CADM2: variants seen among roughly 807,000 people sequenced by gnomAD.
CADM2 encodes cell adhesion molecule 2, also known as immunoglobulin superfamily member 4D.
Under a neutral mutation model 49.8 loss-of-function variants are expected in CADM2, and 12 were observed. That is an observed-to-expected ratio of 0.24 (90% CI 0.15 to 0.39). The LOEUF is 0.39. Among genes scored for constraint, CADM2 ranks in the 10% least tolerant of loss-of-function variants. The pLI is 1.00. For missense variants in CADM2, 378 were observed against 492.3 expected (o/e 0.77, Z 2.20); for synonymous variants, 214 against 175.4 (o/e 1.22, Z -1.74).
intron 1 of CADM2, among the ~76,000 whole-genome samples, chr3:85,184,249 G>C (rs2041002209): frequency 1.3e-5 from 2 of 152,086 alleles, no homozygotes; most frequent in African/African-American, 2.4e-5. Context: ...TTGTGAGTGT[G>C]TTTCCTAATG....
intron 8 of CADM2, among the ~76,000 whole-genome samples, chr3:86,018,705 C>T (rs1188965798): frequency 2.0e-5 from 3 of 152,110 alleles, no homozygotes; most frequent in Non-Finnish European, 4.4e-5. Flanking sequence ...ATGTCCTTCG[C>T]CCACTTTTTG....
At chr3:85,554,285 A>G (rs1023112867) in intron 1 of CADM2, among the ~76,000 whole-genome samples, 16 of 152,180 alleles carry the variant, frequency 1.1e-4, no homozygotes, top group African/African-American at 3.9e-4. Context: ...ATGAGAATCT[A>G]ATGCCGCCCC....
At chr3:84,959,750 C>T in intron 1 of CADM2, 82 bp downstream of exon 1, 1 of 1,287,978 alleles carries the variant, frequency 7.8e-7, no homozygotes, top group Non-Finnish European at 1.1e-6. Context: ...TTCCACTCTC[C>T]CCTCCCAGTC....
rs1029310143 is a variant in CADM2 at position 85,743,867 on chromosome 3, T to C, written c.88+17319T>C. ...AGTCATAAGAGAAAATTTTAAAAGATATTTAAATAAATATATATTTAAGTA... is the reference window on the plus strand; with the variant it reads ...AGTCATAAGAGAAAATTTTAAAAGACATTTAAATAAATATATATTTAAGTA... On this transcript the variant is annotated intron_variant, in intron 2 of 9. Transcript: ENST00000383699. Among the ~76,000 whole-genome samples the C allele has an allele frequency of 4.6e-5, 7 of 152,268 alleles. No individual in the cohort carries two copies. The East Asian group carries it at 1.3e-3, about 29-fold the overall frequency.
chr3:85,030,293 C>A (rs1407708429), intron 1 of CADM2, among the ~76,000 whole-genome samples: 16 of 152,292 alleles, frequency 1.1e-4, no homozygotes, highest in Non-Finnish European at 7.4e-5. Flanking sequence ...GGCAAGACAA[C>A]TCCACCGTGC....
chr3:85,994,414 A>G (rs1729121826), intron 8 of CADM2: 1 of 152,218 alleles, frequency 6.6e-6, no homozygotes, highest in African/African-American at 2.4e-5. Context: ...AATCAAGACC[A>G]CTTAAACTTT....
At chr3:85,873,251 TA>T (rs1227531239) in intron 3 of CADM2, among the ~76,000 whole-genome samples, 1 of 152,184 alleles carries the variant, frequency 6.6e-6, no homozygotes, top group Non-Finnish European at 1.5e-5. Context: ...ACAAAACTAC[TA>T]AATGTTAACA....
chr3:85,947,496 C>T (rs1722879477), intron 7 of CADM2, among the ~76,000 whole-genome samples: 1 of 151,262 alleles, frequency 6.6e-6, no homozygotes, highest in South Asian at 2.1e-4. Flanking sequence ...TCAGTTTCTT[C>T]CAAAATGTCT....
intron 6 of CADM2, among the ~76,000 whole-genome samples, chr3:85,923,623 T>A: frequency 6.6e-6 from 1 of 152,006 alleles, no homozygotes; most frequent in East Asian, 1.9e-4. Context: ...CTTTTAATTT[T>A]TTACAAAAGA....
At chr3:85,196,022 T>A (rs1214193491) in intron 1 of CADM2, among the ~76,000 whole-genome samples, 1 of 152,062 alleles carries the variant, frequency 6.6e-6, no homozygotes, top group Non-Finnish European at 1.5e-5. Context: ...AAAAATTTAA[T>A]CTGAGTCTGA....
chr3:85,071,661 A>G (rs1391080405), intron 1 of CADM2, among the ~76,000 whole-genome samples: 1 of 152,148 alleles, frequency 6.6e-6, no homozygotes, highest in African/African-American at 2.4e-5. Flanking sequence ...AACAATGGCA[A>G]TATATATTTT....
chr3:85,871,520 A>G (rs1201115345), intron 3 of CADM2, among the ~76,000 whole-genome samples: 2 of 152,192 alleles, frequency 1.3e-5, no homozygotes, highest in Non-Finnish European at 1.5e-5. Context: ...TATATTATCT[A>G]TGTAACTTTG....
chr3:85,975,584 CTT>C (rs1212817653), intron 8 of CADM2, among the ~76,000 whole-genome samples: 1 of 151,550 alleles, frequency 6.6e-6, no homozygotes, highest in Non-Finnish European at 1.5e-5. Context: ...ATTGCTGACT[CTT>C]CACTCTTTAT....
chr3:86,057,675 C>T (rs9872176), intron 8 of CADM2, among the ~76,000 whole-genome samples: 6,345 of 152,140 alleles, frequency 0.042, 420 homozygotes, highest in African/African-American at 0.14. Flanking sequence ...GAGGAGTAAA[C>T]TCCTGGACTA....
chr3:85,120,129 C>A (rs1209818469), intron 1 of CADM2, among the ~76,000 whole-genome samples: 1 of 152,166 alleles, frequency 6.6e-6, no homozygotes, highest in East Asian at 1.9e-4. Context: ...ATCAAAACCA[C>A]AATGAGATAT....
intron 5 of CADM2, among the ~76,000 whole-genome samples, chr3:85,904,680 A>G (rs910607285): frequency 6.6e-6 from 1 of 152,184 alleles, no homozygotes; most frequent in Non-Finnish European, 1.5e-5. Flanking sequence ...CTGGAGAGAA[A>G]GTCTGCAGAG....
chr3:85,153,407 A>T (rs1001806793), intron 1 of CADM2, among the ~76,000 whole-genome samples: 2 of 152,202 alleles, frequency 1.3e-5, no homozygotes, highest in Non-Finnish European at 2.9e-5. Context: ...CCAGGAGATT[A>T]TATCCTGCAC....
intron 1 of CADM2, among the ~76,000 whole-genome samples, chr3:85,073,777 G>A (rs1222439516): frequency 6.6e-6 from 1 of 151,748 alleles, no homozygotes; most frequent in African/African-American, 2.4e-5. Context: ...AATTCTAGTG[G>A]GTATTTCACA....
At chr3:85,206,375 T>G (rs922612743) in intron 1 of CADM2, among the ~76,000 whole-genome samples, 10 of 149,602 alleles carry the variant, frequency 6.7e-5, no homozygotes, top group Admixed American at 2.7e-4. Flanking sequence ...TGGCGCAATC[T>G]CGACTCACTG....
Sources: gnomAD v4.1 joint callset for allele counts (sites outside exome capture counted in the v4.1 genomes callset) on GRCh38, gnomAD v4.1.1 for gene constraint, MANE v1.5 for transcripts, NCBI Gene and HGNC (gene_info 2026-07-23, HGNC 2026-07-21) for gene names.